The following NMBR variants were observed in gnomAD, a reference collection of about 807,000 sequenced individuals.
The protein encoded by NMBR is neuromedin-B receptor.
Under a neutral mutation model 20.5 loss-of-function variants are expected in NMBR, and 16 were observed. The ratio of observed to expected loss-of-function variants is 0.78; its 90% CI spans 0.53 to 1.19. The LOEUF is 1.19. Ranked by LOEUF, NMBR falls within the 50% of genes most tolerant of loss-of-function variation. The pLI is 0.00. For synonymous variants in NMBR, 212 were observed against 196.6 expected (o/e 1.08, Z -0.65); for missense variants, 582 against 499.1 (o/e 1.17, Z -1.58).
At chr6:142,134,395 TAA>T in intron 1 of NMBR, 1 of 455,760 alleles carries the variant, frequency 2.2e-6, no homozygotes, top group Non-Finnish European at 3.8e-6. Context: ...TTCATTATAT[TAA>T]GACACATATA....
At chr6:142,077,174 T>C (rs187950527) in intron 3 of NMBR, among the ~76,000 whole-genome samples, 3 of 152,312 alleles carry the variant, frequency 2.0e-5, no homozygotes, top group African/African-American at 7.2e-5. Context: ...CAGTCTATAC[T>C]TGGAGATTCA....
intron 3 of NMBR, 138 bp downstream of exon 3, chr6:142,078,417 A>G: frequency 3.4e-6 from 2 of 594,550 alleles, no homozygotes; most frequent in South Asian, 4.3e-5. Flanking sequence ...AGATCCCCAC[A>G]TATCCCTTCT....
At chr6:142,077,854 A>G (rs1181843536) in intron 3 of NMBR, among the ~76,000 whole-genome samples, 5 of 152,246 alleles carry the variant, frequency 3.3e-5, no homozygotes, top group African/African-American at 1.2e-4. Flanking sequence ...TCACAAGAAC[A>G]CTATTTCTCT....
In NMBR at chr6:142,095,583, A is replaced by T. The variant is rs1037674322; in HGVS notation, c.-663-6262T>A. 2.6e-5 allele frequency among the ~76,000 whole-genome samples: 4 copies of T among 152,110 alleles called. No individual in the cohort carries two copies. In the East Asian group the frequency reaches 7.7e-4, roughly 29 times the overall value. Reference sequence around the variant, plus strand: ...TATTTCATTGAGGATTTTTGCATTGATGTTCCTCAGGGATATTGGTCTAAA... The same window carrying T: ...TATTTCATTGAGGATTTTTGCATTGTTGTTCCTCAGGGATATTGGTCTAAA... On this transcript the variant is annotated intron_variant, in intron 1 of 3. Coordinates refer to ENST00000258042, the MANE Select transcript of NMBR (RefSeq NM_002511.4).
chr6:142,088,623 G>C lies in NMBR; in HGVS notation c.36C>G (p.Thr12=), dbSNP rs41289829. 6.2e-4 allele frequency: 992 copies of C among 1,606,840 alleles called. 3 individuals carry two copies. The highest frequency in any genetic ancestry group is 6.1e-4 in the Non-Finnish European group (717 of 1,179,812). ...CGGAACCGCTCTCATTCGCGCCGGT[G>C]GTCACCGAGAGGTTGGAAAGAGACT... ...PSKSLSNLSV[T]TGANESGSVP... Residue 12 remains threonine, a synonymous_variant, in exon 2 of 4, where the codon ACC becomes ACG. Transcript: ENST00000258042.
intron 1 of NMBR, among the ~76,000 whole-genome samples, chr6:142,103,290 C>A (rs1475353932): frequency 6.6e-6 from 1 of 152,174 alleles, no homozygotes; most frequent in Non-Finnish European, 1.5e-5. Flanking sequence ...ACTATTATAA[C>A]AACAGCCCTT....
intron 1 of NMBR, among the ~76,000 whole-genome samples, chr6:142,096,069 G>A (rs1357376822): frequency 6.6e-6 from 1 of 152,050 alleles, no homozygotes; most frequent in Non-Finnish European, 1.5e-5. Flanking sequence ...CTTGCTAGCA[G>A]TCTATCAATT....
At chr6:142,095,951 C>T (rs9484599) in intron 1 of NMBR, among the ~76,000 whole-genome samples, 40,564 of 151,812 alleles carry the variant, frequency 0.27, 6,144 homozygotes, top group East Asian at 0.71. Context: ...GAGGTGTTTA[C>T]AGTATTCTCT....
intron 1 of NMBR, among the ~76,000 whole-genome samples, chr6:142,103,676 C>A (rs563629821): frequency 1.1e-3 from 169 of 152,238 alleles, no homozygotes; most frequent in African/African-American, 3.7e-3. Flanking sequence ...ATATGCATAG[C>A]ACTGATACTG....
chr6:142,096,008 T>A, intron 1 of NMBR, among the ~76,000 whole-genome samples: 1 of 152,326 alleles, frequency 6.6e-6, no homozygotes, highest in East Asian at 1.9e-4. Flanking sequence ...ATCCCCTTTA[T>A]CATTTTTTAT....
intron 1 of NMBR, among the ~76,000 whole-genome samples, chr6:142,108,593 C>T (rs1030362958): frequency 1.6e-4 from 24 of 152,060 alleles, no homozygotes; most frequent in Non-Finnish European, 4.4e-5. Flanking sequence ...CATCAGATCT[C>T]GTGAGAACAA....
chr6:142,094,778 C>A (rs1024679410), intron 1 of NMBR, among the ~76,000 whole-genome samples: 1 of 152,114 alleles, frequency 6.6e-6, no homozygotes, highest in African/African-American at 2.4e-5. Flanking sequence ...TTCTTCCTAC[C>A]CATGAGCATG....
chr6:142,095,071 C>A lies in NMBR; in HGVS notation c.-663-5750G>T, dbSNP rs373432750. ...TTTTGGGCTGAGACAATGGGGTTTT[C>A]TAGATATACAATCATGTCATCTGCA... On this transcript the variant is annotated intron_variant, in intron 1 of 3. Transcript: ENST00000258042. Among the ~76,000 whole-genome samples the A allele has an allele frequency of 2.6e-5, 4 of 152,200 alleles. No individual in the cohort carries two copies. In the East Asian group the frequency reaches 7.7e-4, roughly 29 times the overall value.
chr6:142,095,131 G>A (rs1480129069), intron 1 of NMBR, among the ~76,000 whole-genome samples: 2 of 151,940 alleles, frequency 1.3e-5, no homozygotes, highest in Admixed American at 6.6e-5. Context: ...TTTCCTAATT[G>A]AATACCCTTT....
chr6:142,118,303 T>G (rs1241341401), intron 1 of NMBR, among the ~76,000 whole-genome samples: 2 of 151,998 alleles, frequency 1.3e-5, no homozygotes, highest in African/African-American at 4.8e-5. Flanking sequence ...AACAACATTA[T>G]TCACATACAC....
chr6:142,096,221 T>G (rs1165798789), intron 1 of NMBR, among the ~76,000 whole-genome samples: 1 of 152,188 alleles, frequency 6.6e-6, no homozygotes, highest in Non-Finnish European at 1.5e-5. Flanking sequence ...CTCTTGTTTC[T>G]CTAGTTCTTT....
intron 1 of NMBR, among the ~76,000 whole-genome samples, chr6:142,125,254 G>A (rs1778009866): frequency 6.6e-6 from 1 of 151,738 alleles, no homozygotes; most frequent in African/African-American, 2.4e-5. Context: ...CTGACCCAAT[G>A]CAAAATACTG....
chr6:142,145,221 T>C lies in NMBR; in HGVS notation c.-664+1823A>G, dbSNP rs1366886123. Among the ~76,000 whole-genome samples, 16 of 152,028 alleles carry C rather than the reference T, an allele frequency of 1.1e-4. No individual in the cohort carries two copies. The East Asian group carries it at 3.1e-3, about 29-fold the overall frequency. The stretch of plus-strand genomic sequence containing the variant: ...ATGCAAATGAGAAAGAGTGGCAAAA[T>C]TCACTTCTGAAGGGGGAGATCAGGA... On this transcript the variant is annotated intron_variant, in intron 1 of 3. Coordinates refer to ENST00000258042, the MANE Select transcript of NMBR (RefSeq NM_002511.4).
chr6:142,118,688 G>T (rs1216988663), intron 1 of NMBR, among the ~76,000 whole-genome samples: 1 of 151,988 alleles, frequency 6.6e-6, no homozygotes, highest in African/African-American at 2.4e-5. Context: ...TTGTTAAGAC[G>T]ATAGAAGGTT....
Sources: gnomAD v4.1 joint callset for allele counts (sites outside exome capture counted in the v4.1 genomes callset) on GRCh38, gnomAD v4.1.1 for gene constraint, MANE v1.5 for transcripts, NCBI Gene and HGNC (gene_info 2026-07-23, HGNC 2026-07-21) for gene names.